The following IGSF22 variants were observed in gnomAD, a reference collection of about 807,000 sequenced individuals.
The protein encoded by IGSF22 is immunoglobulin superfamily member 22, also known as immunoglobulin superfamily, member 22.
In IGSF22, 119 loss-of-function variants were observed where a neutral mutation model predicts 127.0. That is an observed-to-expected ratio of 0.94 (90% CI 0.81 to 1.09). The LOEUF (loss-of-function observed/expected upper bound fraction) is 1.09, where lower values mean the gene tolerates loss of function less well. Among genes scored for constraint, IGSF22 ranks in the 50% least tolerant of loss-of-function variants. The pLI, the probability that IGSF22 is intolerant of heterozygous loss-of-function variation, is 0.00. For missense variants in IGSF22, 1,518 were observed against 1,716.6 expected (o/e 0.88, Z 2.04); for synonymous variants, 568 against 664.7 (o/e 0.85, Z 2.24).
At chr11:18,711,291 T>A (rs749167376) in intron 15 of IGSF22, among the ~76,000 whole-genome samples, 3 of 152,196 alleles carry the variant, frequency 2.0e-5, no homozygotes, top group Non-Finnish European at 4.4e-5. Flanking sequence ...TGACTTAAAC[T>A]TTCCTACAGT....
chr11:18,706,216 T>C, intron 21 of IGSF22, 70 bp from the exon 22 acceptor site: 1 of 1,399,400 alleles, frequency 7.1e-7, no homozygotes, highest in Non-Finnish European at 9.5e-7. Context: ...CGTCTTACAG[T>C]TCAGCTTACA....
intron 18 of IGSF22, among the ~76,000 whole-genome samples, chr11:18,708,614 C>A (rs892697224): frequency 2.0e-5 from 3 of 152,136 alleles, no homozygotes; most frequent in Admixed American, 2.0e-4. Context: ...TCTAACCAAC[C>A]CCCATCTTGC....
chr11:18,715,317 G>A (rs1336639854), intron 11 of IGSF22, 115 bp downstream of exon 11: 7 of 1,008,392 alleles, frequency 6.9e-6, no homozygotes, highest in Non-Finnish European at 1.0e-5. Flanking sequence ...GACACAAGTT[G>A]GTCATGGTCT....
At position 18,710,782 on chromosome 11, in the gene IGSF22, T is replaced by C. The variant is rs1402034660; in HGVS notation, c.2445A>G (p.Lys815=). 6.2e-7 allele frequency: 1 copy of C among 1,614,154 alleles called. No homozygotes were observed. Among genetic ancestry groups the C allele is most frequent in the Admixed American group, 1.7e-5 (1 of 60,022 alleles). ...CATTCCACGTGATGGTCACGGCTTC[T>C]TTAGTCACATCAGTCACTTGAGGCT... is the stretch of plus-strand genomic sequence containing the variant. The part of the protein sequence containing the change: ...ASQPQVTDVT[K]EAVTITWNAP... The change falls in exon 16 of 23, where the codon AAA becomes AAG. Residue 815 remains lysine (K), a synonymous_variant. Transcript: ENST00000513874.
rs781435652 is a variant in IGSF22, at chr11:18,721,648, G to A, written c.265C>T (p.Arg89Trp). The A allele has an allele frequency of 6.2e-7, 1 of 1,614,136 alleles. No homozygotes were observed. The highest frequency in any genetic ancestry group is 1.3e-5 in the African/African-American group (1 of 74,954). The change falls in exon 4 of 23, where the codon CGG becomes TGG. Residue 89 changes from arginine to tryptophan, a missense_variant. By Grantham distance (101) the Arg-to-Trp change is moderately radical (BLOSUM62 -3). Around this residue, in one of 3 missense-constraint regions of IGSF22, gnomAD observed 1,456 missense variants for 1,644.9 expected, o/e 0.89. Transcript: ENST00000513874. ...PEGDKAVFRARVQGNAKPHIS... is the reference protein window; with the variant it reads ...PEGDKAVFRAWVQGNAKPHIS... ...TGGGGTTTGGCGTTCCCCTGCACCC[G>A]GGCTCGGAACACGGCTTTGTCCCCT...
chr11:18,720,192 T>C lies in IGSF22; in HGVS notation c.472A>G (p.Thr158Ala), dbSNP rs1321739525. 1 of 1,613,962 alleles carries C rather than the reference T, an allele frequency of 6.2e-7. No homozygotes were observed. Among genetic ancestry groups the C allele is most frequent in the Non-Finnish European group, 8.5e-7 (1 of 1,179,920 alleles). The change falls in exon 5 of 23, where the codon ACA becomes GCA. Residue 158 changes from threonine (T) to alanine (A), a missense_variant. Physicochemically the swap from Thr to Ala is moderately conservative, Grantham distance 58. Coordinates refer to ENST00000513874, the MANE Select transcript of IGSF22 (RefSeq NM_173588.4). ...DAIYTVSLLV[T>A]EGQEKMDFKK... ...GAGGAAGGGGCCAACTCACCTTCTG[T>C]TACCAGCAGAGATACGGTATAGATG...
rs1475991785 is a variant in IGSF22 at position 18,706,089 on chromosome 11, G to A, written c.3638C>T (p.Pro1213Leu). The change falls in exon 22 of 23, where the codon CCG (proline) becomes CTG (leucine). Residue 1213 changes from proline (P) to leucine (L), a missense_variant. Around this residue, in one of 3 missense-constraint regions of IGSF22, gnomAD observed 1,456 missense variants for 1,644.9 expected, o/e 0.89. Coordinates refer to ENST00000513874, the MANE Select transcript of IGSF22 (RefSeq NM_173588.4). ...TGGCTTGAGGGGCGTCACGAAGCGC[G>A]GCGCGTGGCGCCAGTCCTTCTTCTC... ...PYEKKDWRHA[P>L]RFVTPLKPHT... 6.5e-7 allele frequency: 1 copy of A among 1,548,600 alleles called. No homozygotes were observed. The highest frequency in any genetic ancestry group is 1.2e-5 in the South Asian group (1 of 84,032).
chr11:18,719,386 C>T (rs61886895), intron 7 of IGSF22, among the ~76,000 whole-genome samples: 27,494 of 151,274 alleles, frequency 0.18, 2,771 homozygotes, highest in South Asian at 0.29. Flanking sequence ...AGGCTGGTCT[C>T]AAACTCCTGA....
rs376212297 is a variant in IGSF22, at chr11:18,717,995, G to A, written c.909C>T (p.Asn303=). The A allele has an allele frequency of 4.3e-5, 70 of 1,614,220 alleles. No individual in the cohort carries two copies. The highest frequency in any genetic ancestry group is 5.3e-5 in the Non-Finnish European group (63 of 1,180,048). Residue 303 remains asparagine, a synonymous_variant, in exon 9 of 23, where the codon AAC becomes AAT. Transcript: ENST00000513874. Reference sequence around the variant, plus strand: ...CGGACAGGCTGTAGATGCCAGCATCGTTCATGTTCACGTTGCTAATAACCA... The same window carrying A: ...CGGACAGGCTGTAGATGCCAGCATCATTCATGTTCACGTTGCTAATAACCA... ...YMLVISNVNM[N]DAGIYSLSVG...
Position 18,719,806 on chromosome 11 carries a change from G to A in IGSF22, c.606C>T (p.Asp202=), listed in dbSNP as rs773830357. The change falls in exon 7 of 23, where the codon GAC becomes GAT. Residue 202 remains aspartate (D), a synonymous_variant. Transcript: ENST00000513874. The stretch of plus-strand genomic sequence containing the variant: ...CATACTCCATGCACACCTTCTCAAA[G>A]TCTTTCTTGGGCACTTTGGACAAAA... ...LEILSKVPKK[D]FEKVCMEYGF... is the part of the protein sequence containing the mutation. The A allele has an allele frequency of 7.4e-6, 12 of 1,614,046 alleles. No homozygotes were observed. The African/African-American group carries it at 1.6e-4, about 22-fold the overall frequency.
At position 18,706,167 on chromosome 11, in the gene IGSF22, A is replaced by G. The variant is rs575561213; in HGVS notation, c.3581-21T>C. ...CTGGACTGCGCGGGCGGGGCGGGGC[A>G]GGCCGTGAGGGCGCCCCAAGGCCCC... On this transcript the variant is annotated intron_variant, in intron 21 of 22. Transcript: ENST00000513874. 299 of 1,522,312 alleles carry G rather than the reference A, an allele frequency of 2.0e-4. 9 individuals carry two copies. In the South Asian group the frequency reaches 3.5e-3, roughly 18 times the overall value. The allele number at this position is 1,522,312 out of a possible 1,614,324, so 94.3% of individuals were successfully genotyped here. A position where few individuals can be genotyped will look rare whatever the true frequency, so the allele number is the denominator to read the frequency against.
At chr11:18,723,302 C>T (rs1334733800) in intron 2 of IGSF22, among the ~76,000 whole-genome samples, 1 of 152,268 alleles carries the variant, frequency 6.6e-6, no homozygotes, top group African/African-American at 2.4e-5. Context: ...TGTGCGGCCA[C>T]AGCAGAGAAT....
chr11:18,713,272 C>T (rs1848391732), intron 14 of IGSF22, among the ~76,000 whole-genome samples: 1 of 151,906 alleles, frequency 6.6e-6, no homozygotes, highest in African/African-American at 2.4e-5. Flanking sequence ...TGTGCCTTAG[C>T]CTCCCGAGTA....
Position 18,707,810 on chromosome 11 carries a change from CG to C in IGSF22, c.3273del (p.Val1092TrpfsTer21). ...FGEARYDIHV[R>X]VADFPRPPTN... ...CTCTGCCTTCTCTCCATACCTGCCACGCGCACATGGATGTCATAGCGTGCTT... is the reference window on the plus strand; with the variant it reads ...CTCTGCCTTCTCTCCATACCTGCCACCGCACATGGATGTCATAGCGTGCTT... On this transcript the variant is annotated frameshift_variant, in exon 20 of 23. Transcript: ENST00000513874. LOFTEE classifies it high-confidence loss of function. 6.3e-7 allele frequency: 1 copy of C among 1,583,750 alleles called. No homozygotes were observed. The highest frequency in any genetic ancestry group is 8.6e-7 in the Non-Finnish European group (1 of 1,164,190).
intron 14 of IGSF22, 64 bp from the exon 15 acceptor site, chr11:18,712,448 A>T: frequency 7.0e-7 from 1 of 1,429,264 alleles, no homozygotes; most frequent in Non-Finnish European, 9.4e-7. Context: ...GCCTCCTCCC[A>T]CTCACCAAAG....
Position 18,720,242 on chromosome 11 carries a change from A to G in IGSF22, c.422T>C (p.Ile141Thr), listed in dbSNP as rs755826589. The change falls in exon 5 of 23, where the codon ATT becomes ACT. Residue 141 changes from isoleucine to threonine, a missense_variant. Ile to Thr is a moderately conservative substitution (Grantham distance 89). Transcript: ENST00000513874. ...GGCATCTGCATGGTCATTGCTTGCA[A>G]TGCACTTATAGTTGTCAGAGTCATC... ...TSDDSDNYKCIASNDHADAIY... is the reference protein window; with the variant it reads ...TSDDSDNYKCTASNDHADAIY... The G allele has an allele frequency of 6.2e-7, 1 of 1,614,180 alleles. No individual in the cohort carries two copies. The highest frequency in any genetic ancestry group is 8.5e-7 in the Non-Finnish European group (1 of 1,180,006).
At chr11:18,721,870 C>A (rs773117287) in intron 3 of IGSF22, 40 bp downstream of exon 3, 27 of 1,608,596 alleles carry the variant, frequency 1.7e-5, no homozygotes, top group African/African-American at 8.0e-5. Context: ...GATTAGAAAG[C>A]GAAGCACTGG....
chr11:18,712,572 G>A (rs1291735571), intron 14 of IGSF22, among the ~76,000 whole-genome samples, 188 bp from the exon 15 acceptor site: 1 of 152,150 alleles, frequency 6.6e-6, no homozygotes, highest in African/African-American at 2.4e-5. Context: ...CCTTGCCCCC[G>A]TGAGTTTCCC....
chr11:18,715,523 T>C lies in IGSF22; in HGVS notation c.1440A>G (p.Ala480=). ...GKRAELIIED[A]QLSDGGEYTV... is the part of the protein sequence containing the mutation. ...TGTACTCGCCACCATCACTGAGCTGTGCATCCTCAATGATCAGCTCTGCTC... is the reference window on the plus strand; with the variant it reads ...TGTACTCGCCACCATCACTGAGCTGCGCATCCTCAATGATCAGCTCTGCTC... Residue 480 remains alanine, a synonymous_variant, in exon 11 of 23, where the codon GCA becomes GCG. Coordinates refer to ENST00000513874, the MANE Select transcript of IGSF22 (RefSeq NM_173588.4). The C allele has an allele frequency of 6.2e-7, 1 of 1,613,858 alleles. No homozygotes were observed. The highest frequency in any genetic ancestry group is 8.5e-7 in the Non-Finnish European group (1 of 1,179,834).
Sources: gnomAD v4.1 joint callset for allele counts (sites outside exome capture counted in the v4.1 genomes callset) on GRCh38, gnomAD v4.1.1 for gene constraint, gnomAD v4.1.1 regional missense constraint, MANE v1.5 for transcripts, NCBI Gene and HGNC (gene_info 2026-07-23, HGNC 2026-07-21) for gene names.